Variants in SI observed in about 807,000 individuals in gnomAD.
The protein encoded by SI is sucrase-isomaltase, intestinal.
A neutral mutation model predicts 253.3 loss-of-function variants in SI; 235 were observed. The ratio of observed to expected loss-of-function variants is 0.93; its 90% CI spans 0.83 to 1.03. SI has a LOEUF of 1.03. SI is among the 50% of genes least tolerant of loss of function. SI has a pLI of 0.00. For synonymous variants in SI, 819 were observed against 712.0 expected (o/e 1.15, Z -2.39); for missense variants, 2,442 against 2,211.1 (o/e 1.10, Z -2.09).
intron 24 of SI, among the ~76,000 whole-genome samples, chr3:165,032,093 A>C (rs1256938230): frequency 2.0e-5 from 3 of 151,258 alleles, no homozygotes; most frequent in Admixed American, 1.3e-4. Flanking sequence ...GGACAATGAG[A>C]CCTCACTAAA....
intron 7 of SI, among the ~76,000 whole-genome samples, chr3:165,064,693 C>T (rs576925916): frequency 6.6e-6 from 1 of 151,832 alleles, no homozygotes; most frequent in African/African-American, 2.4e-5. Context: ...AGACTAAGCC[C>T]TTATGGGAGA....
chr3:165,089,322 G>C, the SI span, among the ~76,000 whole-genome samples: 1 of 152,098 alleles, frequency 6.6e-6, no homozygotes, highest in African/African-American at 2.4e-5. Flanking sequence ...TGTTGGGAGA[G>C]AGGGTTAAGA....
intron 9 of SI, 38 bp from the exon 10 acceptor site, chr3:165,060,065 A>G (rs1248131239): frequency 1.3e-6 from 2 of 1,580,314 alleles, no homozygotes; most frequent in Non-Finnish European, 1.7e-6. Flanking sequence ...TTGAATAGAA[A>G]TAAATATATT....
chr3:164,981,379 A>T (rs1717184045), intron 47 of SI, among the ~76,000 whole-genome samples: 1 of 152,040 alleles, frequency 6.6e-6, no homozygotes, highest in South Asian at 2.1e-4. Flanking sequence ...ATCCTCTGAC[A>T]CCTACAAGGA....
At chr3:164,991,238 A>G in intron 44 of SI, 115 bp downstream of exon 44, 5 of 1,106,246 alleles carry the variant, frequency 4.5e-6, no homozygotes, top group Non-Finnish European at 6.9e-6. Flanking sequence ...TTACTGAGGC[A>G]GGCTAATGTA....
intron 35 of SI, among the ~76,000 whole-genome samples, chr3:165,008,709 A>G (rs1029437456): frequency 1.3e-5 from 2 of 152,178 alleles, no homozygotes; most frequent in South Asian, 4.1e-4. Context: ...TTTAAAAAAT[A>G]AGTAAATTAA....
chr3:165,016,173 G>T, intron 31 of SI, 93 bp from the exon 32 acceptor site: 1 of 1,125,924 alleles, frequency 8.9e-7, no homozygotes, highest in Non-Finnish European at 1.3e-6. Flanking sequence ...ACAGCAATAT[G>T]AAAGTTTGAG....
chr3:165,069,005 T>A, intron 4 of SI, 73 bp downstream of exon 4: 2 of 1,123,506 alleles, frequency 1.8e-6, no homozygotes, highest in Non-Finnish European at 2.7e-6. Context: ...TTGATTCTAT[T>A]TAAGGTATTT....
chr3:165,070,154 T>A (rs1430738867), intron 3 of SI, among the ~76,000 whole-genome samples: 1 of 140,614 alleles, frequency 7.1e-6, no homozygotes, highest in African/African-American at 2.6e-5. Flanking sequence ...GTATATTTAT[T>A]ATATATAAAA....
Position 165,026,102 on chromosome 3 carries a change from T to C in SI, c.2893-2326A>G, listed in dbSNP as rs1043638827. ...GCCTCCAAGAGACTCACCTAACACA[T>C]AAGGACTCACACAAACTCAAGATAA... On this transcript the variant is annotated intron_variant, in intron 25 of 47. Transcript: ENST00000264382. Among the ~76,000 whole-genome samples the C allele has an allele frequency of 4.0e-5, 6 of 150,940 alleles. No homozygotes were observed. In the Admixed American group the frequency reaches 4.0e-4, roughly 10 times the overall value.
chr3:165,052,633 G>A (rs1330959753), intron 13 of SI, among the ~76,000 whole-genome samples: 1 of 151,810 alleles, frequency 6.6e-6, no homozygotes, highest in Non-Finnish European at 1.5e-5. Context: ...CTACAGCCTG[G>A]GTGACAGAGC....
chr3:165,028,396 A>G (rs371142175), intron 25 of SI, among the ~76,000 whole-genome samples: 4 of 151,366 alleles, frequency 2.6e-5, no homozygotes, highest in African/African-American at 9.7e-5. Flanking sequence ...TGCAATCCTC[A>G]TCAAAACACC....
intron 34 of SI, among the ~76,000 whole-genome samples, chr3:165,009,867 C>G (rs1295866184): frequency 6.6e-6 from 1 of 152,090 alleles, no homozygotes; most frequent in Non-Finnish European, 1.5e-5. Flanking sequence ...CCTTCTCATC[C>G]CAACAGAGAA....
At chr3:165,000,915 C>G (rs201330171) in intron 37 of SI, among the ~76,000 whole-genome samples, 3 of 151,082 alleles carry the variant, frequency 2.0e-5, no homozygotes, top group Non-Finnish European at 4.5e-5. Context: ...CCTACAGGAG[C>G]ATTTTCTTGA....
chr3:164,997,964 C>CT (rs927058729), intron 38 of SI, among the ~76,000 whole-genome samples: 5 of 151,600 alleles, frequency 3.3e-5, no homozygotes, highest in African/African-American at 1.2e-4. Flanking sequence ...CGAAGAGTGT[C>CT]TTTTGTGAAT....
chr3:165,058,598 C>G (rs1257638560), intron 12 of SI, among the ~76,000 whole-genome samples: 1 of 151,736 alleles, frequency 6.6e-6, no homozygotes, highest in Non-Finnish European at 1.5e-5. Flanking sequence ...GACATGACAA[C>G]AGATAACACA....
At chr3:165,016,123 A>C in intron 31 of SI, 43 bp from the exon 32 acceptor site, 2 of 1,547,716 alleles carry the variant, frequency 1.3e-6, no homozygotes, top group Non-Finnish European at 8.9e-7. Flanking sequence ...AAAAATACAA[A>C]ATAGTAAGTG....
intron 28 of SI, among the ~76,000 whole-genome samples, chr3:165,019,186 A>G (rs777848221): frequency 2.0e-5 from 3 of 152,014 alleles, no homozygotes; most frequent in East Asian, 1.9e-4. Context: ...AAGTTACCCA[A>G]CTGCAACTGA....
rs11452619 is a variant in SI at position 165,030,877 on chromosome 3, C to CAAAAAAAAAAAAAAA, written c.2737-11_2737-10insTTTTTTTTTTTTTTT. ...CTGCAATTAGGAGAACCTTTGAAGA[C>CAAAAAAAAAAAAAAA]AAAAAAAAAAAAAGAAAAAAAGAAA... is the stretch of plus-strand genomic sequence containing the variant. On this transcript the variant is annotated splice_polypyrimidine_tract_variant and intron_variant, in intron 24 of 47. Transcript: ENST00000264382. 1.6e-6 allele frequency: 2 copies of CAAAAAAAAAAAAAAA among 1,219,772 alleles called. No individual in the cohort carries two copies. Among genetic ancestry groups the CAAAAAAAAAAAAAAA allele is most frequent in the East Asian group, 3.2e-5 (1 of 31,208 alleles). The allele number at this position is 1,219,772 out of a possible 1,614,324, so 75.6% of individuals were successfully genotyped here.
Sources: allele counts gnomAD v4.1 joint callset (sites outside exome capture counted in the v4.1 genomes callset), GRCh38; gene constraint gnomAD v4.1.1; transcripts MANE v1.5; gene names NCBI Gene and HGNC (gene_info 2026-07-23, HGNC 2026-07-21).